ANKAR: variants seen among roughly 807,000 people sequenced by gnomAD.
ANKAR encodes the protein ankyrin and armadillo repeat containing.
A neutral mutation model predicts 146.2 loss-of-function variants in ANKAR; 136 were observed. The observed-to-expected ratio is 0.93, with a 90% CI of 0.81 to 1.07. The LOEUF (loss-of-function observed/expected upper bound fraction) is 1.07. Among genes scored for constraint, ANKAR ranks in the 50% least tolerant of loss-of-function variants. The pLI is 0.00. For missense variants in ANKAR, 1,567 were observed against 1,679.9 expected (o/e 0.93, Z 1.18); for synonymous variants, 500 against 575.8 (o/e 0.87, Z 1.88).
At chr2:189,698,071 T>G (rs1356389581) in intron 7 of ANKAR, among the ~76,000 whole-genome samples, 1 of 152,166 alleles carries the variant, frequency 6.6e-6, no homozygotes, top group Non-Finnish European at 1.5e-5. Flanking sequence ...GTGCATTCCC[T>G]TTTAAAACAG....
At chr2:189,726,073 T>C (rs2041847537) in intron 12 of ANKAR, among the ~76,000 whole-genome samples, 1 of 152,174 alleles carries the variant, frequency 6.6e-6, no homozygotes, top group South Asian at 2.1e-4. Context: ...GGGTGGTAGA[T>C]TTGGAAAATT....
intron 4 of ANKAR, 193 bp downstream of exon 4, chr2:189,692,611 G>A: frequency 2.2e-6 from 1 of 456,252 alleles, no homozygotes; most frequent in Non-Finnish European, 3.8e-6. Flanking sequence ...TACTGTGTTG[G>A]ATATCTGAGA....
At chr2:189,704,544 CATATATATAT>C (rs10578902) in intron 7 of ANKAR, among the ~76,000 whole-genome samples, 1,443 of 36,276 alleles carry the variant, frequency 0.04, 17 homozygotes, top group Non-Finnish European at 0.055. Context: ...CCTTTGTTAA[CATATATATAT>C]ATATATATAT....
downstream of ANKAR, among the ~76,000 whole-genome samples, chr2:189,748,150 A>G (rs1382586622): frequency 1.3e-5 from 2 of 152,210 alleles, no homozygotes; most frequent in Non-Finnish European, 2.9e-5. Flanking sequence ...AGGGCTTTCT[A>G]TGTGCTAGAG....
chr2:189,719,400 G>T (rs1222744510), intron 10 of ANKAR, among the ~76,000 whole-genome samples, 172 bp from the exon 11 acceptor site: 1 of 151,946 alleles, frequency 6.6e-6, no homozygotes, highest in Admixed American at 6.6e-5. Flanking sequence ...CAAGATGGAA[G>T]GTTTCTTCAT....
At chr2:189,725,124 T>C (rs1195903454) in intron 12 of ANKAR, among the ~76,000 whole-genome samples, 2 of 152,152 alleles carry the variant, frequency 1.3e-5, no homozygotes, top group Admixed American at 1.3e-4. Flanking sequence ...GTGTTGATAT[T>C]ATTGGGTTCT....
intron 10 of ANKAR, among the ~76,000 whole-genome samples, chr2:189,718,278 C>G (rs1003820119): frequency 6.6e-6 from 1 of 152,000 alleles, no homozygotes; most frequent in African/African-American, 2.4e-5. Context: ...CATAGTGAGA[C>G]CCTGTCTTTG....
Position 189,707,010 on chromosome 2 carries a change from C to G in ANKAR, c.1983C>G (p.Ile661Met). The stretch of plus-strand genomic sequence containing the variant: ...ACACTATTCAATACCTGTTTTCTAT[C>G]GGTGCTAACTGGAGAAAAACAGATA... The part of the protein sequence containing the change: ...ALDTIQYLFS[I>M]GANWRKTDIK... The change falls in exon 9 of 23, where the codon ATC becomes ATG. Residue 661 changes from isoleucine (I) to methionine (M), a missense_variant. Ile to Met is a conservative substitution (Grantham distance 10). Coordinates refer to ENST00000684021, the MANE Select transcript of ANKAR (RefSeq NM_001378068.1). 1 of 1,613,488 alleles carries G rather than the reference C, an allele frequency of 6.2e-7. No homozygotes were observed. The highest frequency in any genetic ancestry group is 8.5e-7 in the Non-Finnish European group (1 of 1,179,724).
At chr2:189,755,925 G>A (rs1239150651) in intron 18 of ANKAR, among the ~76,000 whole-genome samples, 1 of 152,144 alleles carries the variant, frequency 6.6e-6, no homozygotes, top group Non-Finnish European at 1.5e-5. Flanking sequence ...TTTTAAGAGA[G>A]ATTACTGCGA....
intron 12 of ANKAR, 95 bp downstream of exon 12, chr2:189,720,882 A>G (rs960235870): frequency 9.6e-7 from 1 of 1,037,776 alleles, no homozygotes. Context: ...AGATGTCCCG[A>G]ATCTGTGTTT....
chr2:189,754,891 C>T (rs988996689), intron 18 of ANKAR: 5 of 378,338 alleles, frequency 1.3e-5, no homozygotes, highest in Admixed American at 9.1e-5. Flanking sequence ...TTACGAAGCA[C>T]GTTCTTTCAC....
intron 2 of ANKAR, among the ~76,000 whole-genome samples, chr2:189,680,886 TA>T (rs1191025224): frequency 6.6e-6 from 1 of 152,224 alleles, no homozygotes; most frequent in Non-Finnish European, 1.5e-5. Context: ...AGCCATTTTT[TA>T]AATTTAAAGG....
rs564612230 is a variant in ANKAR at position 189,757,089 on chromosome 2, G to A, written c.*585-4009G>A. Among the ~76,000 whole-genome samples, 3 of 152,272 alleles carry A rather than the reference G, an allele frequency of 2.0e-5. No individual in the cohort carries two copies. The South Asian group carries it at 6.2e-4, about 32-fold the overall frequency. ...ATAATAACAATGTATTTTTGTCTAT[G>A]ATTTGTAGACAGTATGGAGTGTGGA... On this transcript the variant is annotated intron_variant and NMD_transcript_variant, in intron 18 of 18. Transcript: ENST00000441800.
chr2:189,711,860 CTG>C (rs1472849326), intron 10 of ANKAR, among the ~76,000 whole-genome samples: 3 of 152,186 alleles, frequency 2.0e-5, no homozygotes, highest in African/African-American at 7.2e-5. Flanking sequence ...CTGTGACAGA[CTG>C]TACCTGAAAA....
Position 189,676,859 on chromosome 2 carries a change from A to C in ANKAR, c.369A>C (p.Glu123Asp), listed in dbSNP as rs1310840138. 6.2e-7 allele frequency: 1 copy of C among 1,614,200 alleles called. No individual in the cohort carries two copies. Among genetic ancestry groups the C allele is most frequent in the East Asian group, 2.2e-5 (1 of 44,876 alleles). Residue 123 changes from glutamate (E) to aspartate (D), a missense_variant, in exon 2 of 23, where the codon GAA becomes GAC. Physicochemically the swap from Glu to Asp is conservative, Grantham distance 45. Transcript: ENST00000684021. ...ATCAAATCCCTTCCATCAGTTTAGAAGCTAATTATGATCAGAGTTCTTCTT... is the reference window on the plus strand; with the variant it reads ...ATCAAATCCCTTCCATCAGTTTAGACGCTAATTATGATCAGAGTTCTTCTT... Reference protein sequence around the residue: ...CLNQIPSISLEANYDQSSSCQ... With the variant: ...CLNQIPSISLDANYDQSSSCQ...
chr2:189,676,618 T>A lies in ANKAR; in HGVS notation c.128T>A (p.Ile43Lys). The A allele has an allele frequency of 1.9e-6, 3 of 1,613,966 alleles. No homozygotes were observed. The highest frequency in any genetic ancestry group is 2.5e-6 in the Non-Finnish European group (3 of 1,179,952). Residue 43 changes from isoleucine to lysine, a missense_variant, in exon 2 of 23, where the codon ATA (isoleucine) becomes AAA (lysine). Ile to Lys is a moderately radical substitution (Grantham distance 102). Transcript: ENST00000684021. ...AFFEKYDRSE[I>K]QELLTTALVS... ...TTTGAAAAATATGATCGGAGTGAAA[T>A]ACAAGAGTTACTAACTACTGCACTA...
Position 189,729,769 on chromosome 2 carries a change from C to T in ANKAR, c.3194-726C>T, listed in dbSNP as rs190779820. On this transcript the variant is annotated intron_variant, in intron 15 of 22. Coordinates refer to ENST00000684021, the MANE Select transcript of ANKAR (RefSeq NM_001378068.1). ...AGGTGTTCTTTTTTCCTTCAAACTT[C>T]CCTAGATACAATATGTAGGTGACTT... 1.8e-3 allele frequency among the ~76,000 whole-genome samples: 236 copies of T among 130,124 alleles called. 2 individuals carry two copies. Among genetic ancestry groups the T allele is most frequent in the African/African-American group, 5.7e-3 (222 of 39,154 alleles). 85.4% of individuals were successfully genotyped at this position (130,124 alleles called of 152,430 possible).
intron 7 of ANKAR, among the ~76,000 whole-genome samples, chr2:189,698,468 G>T (rs989520074): frequency 3.9e-5 from 6 of 152,114 alleles, no homozygotes; most frequent in African/African-American, 1.4e-4. Context: ...TGAGGAATGA[G>T]TCGTTTTTGA....
chr2:189,746,705 T>A, downstream of ANKAR: 1 of 1,359,924 alleles, frequency 7.4e-7, no homozygotes, highest in Non-Finnish European at 9.8e-7. Context: ...AATATGCAAA[T>A]AACATAACTG....
Sources: allele counts gnomAD v4.1 joint callset (sites outside exome capture counted in the v4.1 genomes callset), GRCh38; gene constraint gnomAD v4.1.1; transcripts MANE v1.5; gene names NCBI Gene and HGNC (gene_info 2026-07-23, HGNC 2026-07-21).